Variants in NPSR1 observed in about 807,000 individuals in gnomAD.
NPSR1 encodes neuropeptide S receptor 1.
A neutral mutation model predicts 46.9 loss-of-function variants in NPSR1; 48 were observed. The ratio of observed to expected loss-of-function variants is 1.02; its 90% confidence interval spans 0.81 to 1.30. The LOEUF (loss-of-function observed/expected upper bound fraction) is 1.30. NPSR1 is among the 50% of genes most tolerant of loss of function. NPSR1 has a pLI of 0.00. For synonymous variants in NPSR1, 176 were observed against 168.1 expected, an observed-to-expected ratio of 1.05 and a Z score of -0.36; for missense variants, 450 against 449.5, an observed-to-expected ratio of 1.00 and a Z score of -0.01.
intron 8 of NPSR1, among the ~76,000 whole-genome samples, chr7:34,869,456 T>G (rs1263061136): frequency 6.6e-6 from 1 of 151,698 alleles, no homozygotes; most frequent in Admixed American, 6.6e-5. Context: ...CTGCTAGGAT[T>G]ATTGCAGTAG....
chr7:34,796,238 C>CGTGT (rs1282022837), intron 3 of NPSR1, among the ~76,000 whole-genome samples: 2 of 151,842 alleles, frequency 1.3e-5, no homozygotes, highest in Non-Finnish European at 2.9e-5. Flanking sequence ...ATGACAAAAA[C>CGTGT]GAACATAAAA....
intron 3 of NPSR1, among the ~76,000 whole-genome samples, chr7:34,782,716 G>A (rs1349141467): frequency 1.3e-5 from 2 of 151,766 alleles, no homozygotes; most frequent in African/African-American, 4.8e-5. Flanking sequence ...ATCAACATAA[G>A]GCAAAAATAA....
chr7:34,843,588 A>C (rs1471920007), intron 6 of NPSR1, among the ~76,000 whole-genome samples: 1 of 152,214 alleles, frequency 6.6e-6, no homozygotes, highest in African/African-American at 2.4e-5. Context: ...TTCATGCTGG[A>C]TTGAAAATTC....
chr7:34,762,779 C>T (rs324960), intron 2 of NPSR1, among the ~76,000 whole-genome samples: 53,708 of 151,910 alleles, frequency 0.35, 9,895 homozygotes, highest in African/African-American at 0.47. Context: ...GATAAAAGGA[C>T]CTTATATTAT....
intron 1 of NPSR1, among the ~76,000 whole-genome samples, chr7:34,663,093 G>GTATGTGTGT (rs1554301952): frequency 1.8e-5 from 2 of 112,404 alleles, no homozygotes; most frequent in African/African-American, 7.9e-5. Context: ...ATGTGTGTGT[G>GTATGTGTGT]GCGGGGGGGA....
At chr7:34,686,427 C>T (rs538739682) in intron 2 of NPSR1, among the ~76,000 whole-genome samples, 45 of 152,112 alleles carry the variant, frequency 3.0e-4, no homozygotes, top group African/African-American at 8.7e-4. Context: ...GATCACAGAT[C>T]CTTTGGTAAA....
chr7:34,772,528 G>A (rs1164024238), intron 2 of NPSR1, among the ~76,000 whole-genome samples: 2 of 152,144 alleles, frequency 1.3e-5, no homozygotes, highest in Non-Finnish European at 2.9e-5. Flanking sequence ...GGAATTCTGA[G>A]CTGGATAATT....
chr7:34,762,350 C>A (rs552421671), intron 2 of NPSR1, among the ~76,000 whole-genome samples: 84 of 152,066 alleles, frequency 5.5e-4, no homozygotes, highest in African/African-American at 1.9e-3. Context: ...TTCATCTTGG[C>A]GAAGGACACA....
At chr7:34,854,877 C>G (rs1791016029), downstream of NPSR1, among the ~76,000 whole-genome samples, 1 of 151,484 alleles carries the variant, frequency 6.6e-6, no homozygotes, top group African/African-American at 2.4e-5. Flanking sequence ...CCAAAGTTGA[C>G]CACATGCTAG....
chr7:34,744,205 C>A (rs1785093409), intron 2 of NPSR1, among the ~76,000 whole-genome samples: 4 of 152,060 alleles, frequency 2.6e-5, no homozygotes, highest in Admixed American at 2.6e-4. Context: ...AACTAGTATT[C>A]AATATAGAGT....
intron 8 of NPSR1, among the ~76,000 whole-genome samples, chr7:34,870,496 A>G (rs1791425381): frequency 6.6e-6 from 1 of 151,802 alleles, no homozygotes; most frequent in Non-Finnish European, 1.5e-5. Context: ...GTAATATGTA[A>G]CATTGAGATT....
intron 2 of NPSR1, among the ~76,000 whole-genome samples, chr7:34,753,945 TG>T (rs1222744263): frequency 6.6e-6 from 1 of 152,144 alleles, no homozygotes; most frequent in African/African-American, 2.4e-5. Flanking sequence ...AAGGGATTCC[TG>T]GAGTTTCAAA....
Position 34,849,829 on chromosome 7 carries a change from A to G in NPSR1, c.*174A>G. On this transcript the variant is annotated 3_prime_UTR_variant, in exon 9 of 9. Coordinates refer to ENST00000360581, the MANE Select transcript of NPSR1 (RefSeq NM_207172.2). ...GCATGCACTGCTTAAGTATTGGCCA[A>G]CACGAACTCCCCAGTTATTCATGCC... The G allele has an allele frequency of 7.2e-7, 1 of 1,384,976 alleles. No homozygotes were observed. 85.8% of individuals were successfully genotyped at this position (1,384,976 alleles called of 1,614,324 possible).
At position 34,658,511 on chromosome 7, in the gene NPSR1, T is replaced by C. The variant is rs754490138; in HGVS notation, c.99T>C (p.Thr33=). 3 of 1,614,068 alleles carry C rather than the reference T, an allele frequency of 1.9e-6. No individual in the cohort carries two copies. Among genetic ancestry groups the C allele is most frequent in the Admixed American group, 3.3e-5 (2 of 60,008 alleles). Residue 33 remains threonine (T), a synonymous_variant, in exon 1 of 9, where the codon ACT becomes ACC. Transcript: ENST00000360581. ...PVACTETVTF[T]EVVEGKEWGS... ...CTTGCACTGAAACAGTGACTTTTAC[T>C]GAAGTGGTGGAAGGAAAGGAATGGG...
intron 5 of NPSR1, 66 bp from the exon 6 acceptor site, chr7:34,834,318 C>A: frequency 1.6e-6 from 2 of 1,245,292 alleles, no homozygotes; most frequent in Admixed American, 3.4e-5. Flanking sequence ...TGGGAGTGGT[C>A]TTCTCTGTGT....
intron 2 of NPSR1, among the ~76,000 whole-genome samples, chr7:34,733,863 T>G (rs1479930982): frequency 6.6e-6 from 1 of 152,198 alleles, no homozygotes; most frequent in Non-Finnish European, 1.5e-5. Context: ...GATATTTCTC[T>G]TACGAATGCC....
chr7:34,756,364 T>C (rs1487256384), intron 2 of NPSR1, among the ~76,000 whole-genome samples: 1 of 152,230 alleles, frequency 6.6e-6, no homozygotes. Context: ...TCCCCAAGAA[T>C]GCCAGGAGAT....
At chr7:34,714,081 CT>C (rs1196125496) in intron 2 of NPSR1, among the ~76,000 whole-genome samples, 1 of 152,236 alleles carries the variant, frequency 6.6e-6, no homozygotes, top group Non-Finnish European at 1.5e-5. Context: ...AATGGCTTGA[CT>C]GGCACTGTTG....
intron 2 of NPSR1, chr7:34,750,450 C>A: frequency 4.0e-6 from 3 of 741,002 alleles, no homozygotes; most frequent in South Asian, 2.7e-5. Flanking sequence ...GTGACGAAGT[C>A]ATTGTCTGAG....
Sources: gnomAD v4.1 joint callset for allele counts (sites outside exome capture counted in the v4.1 genomes callset) on GRCh38, gnomAD v4.1.1 for gene constraint, MANE v1.5 for transcripts, NCBI Gene and HGNC (gene_info 2026-07-23, HGNC 2026-07-21) for gene names.